The following DLG2 variants were observed in gnomAD, a reference collection of about 807,000 sequenced individuals.
DLG2 encodes discs large MAGUK scaffold protein 2, also known as disks large homolog 2.
Under a neutral mutation model 132.5 loss-of-function variants are expected in DLG2, and 45 were observed. That is an observed-to-expected ratio of 0.34 (90% CI 0.27 to 0.44). The LOEUF (loss-of-function observed/expected upper bound fraction) is 0.44, where lower values mean the gene tolerates loss of function less well. Ranked by LOEUF, DLG2 falls within the 20% of genes least tolerant of loss-of-function variation. The pLI, the probability that DLG2 is intolerant of heterozygous loss-of-function variation, is 1.00. For missense variants in DLG2, 1,045 were observed against 1,196.9 expected (o/e 0.87, Z 1.87); for synonymous variants, 424 against 419.6 (o/e 1.01, Z -0.13).
At chr11:85,460,655 G>T (rs1403582199) in intron 3 of DLG2, among the ~76,000 whole-genome samples, 3 of 152,118 alleles carry the variant, frequency 2.0e-5, no homozygotes, top group Non-Finnish European at 2.9e-5. Context: ...GCTACTAATA[G>T]CCATCTTGGC....
chr11:83,625,529 C>T (rs926697290), intron 19 of DLG2, among the ~76,000 whole-genome samples: 13 of 152,154 alleles, frequency 8.5e-5, no homozygotes, highest in African/African-American at 2.9e-4. Context: ...ACCACCCTTC[C>T]CCCAGAACAA....
At chr11:85,541,342 G>A (rs2075956958) in intron 3 of DLG2, among the ~76,000 whole-genome samples, 1 of 151,646 alleles carries the variant, frequency 6.6e-6, no homozygotes, top group Admixed American at 6.6e-5. Flanking sequence ...CATTTTTAAT[G>A]ACTTCATATA....
intron 7 of DLG2, among the ~76,000 whole-genome samples, chr11:84,520,969 A>G (rs887905583): frequency 2.0e-5 from 3 of 152,218 alleles, no homozygotes; most frequent in Non-Finnish European, 4.4e-5. Flanking sequence ...AGCTCTGGGA[A>G]AGCATCCCAT....
At chr11:84,692,943 C>T (rs758539675) in intron 6 of DLG2, among the ~76,000 whole-genome samples, 8 of 151,742 alleles carry the variant, frequency 5.3e-5, no homozygotes, top group Non-Finnish European at 7.4e-5. Flanking sequence ...TGAGACTTAG[C>T]GAAGTTATAT....
rs139828095 is a variant in DLG2, at chr11:84,522,031, G to A, written c.519+12539C>T. Among the ~76,000 whole-genome samples the A allele has an allele frequency of 4.0e-3, 615 of 152,134 alleles. 6 individuals carry two copies. Among genetic ancestry groups the A allele is most frequent in the African/African-American group, 0.014 (591 of 41,492 alleles). On this transcript the variant is annotated intron_variant, in intron 7 of 27. Transcript: ENST00000376104. Reference sequence around the variant, plus strand: ...AAAAATACAAAAATGAGTTGGGCGTGGTGGCACATGCCTGTAGTCCCAGCT... The same window carrying A: ...AAAAATACAAAAATGAGTTGGGCGTAGTGGCACATGCCTGTAGTCCCAGCT...
intron 4 of DLG2, among the ~76,000 whole-genome samples, chr11:85,222,363 C>T (rs765937424): frequency 6.6e-5 from 10 of 152,138 alleles, no homozygotes; most frequent in Admixed American, 1.3e-4. Flanking sequence ...ATTCAACAAA[C>T]ATTTAGGAAG....
At chr11:84,428,426 G>A (rs1049115320) in intron 7 of DLG2, among the ~76,000 whole-genome samples, 1 of 152,172 alleles carries the variant, frequency 6.6e-6, no homozygotes, top group Non-Finnish European at 1.5e-5. Flanking sequence ...AAAATACCAG[G>A]TATTAGGTGG....
chr11:84,535,449 T>C (rs1456223015), intron 6 of DLG2, among the ~76,000 whole-genome samples: 1 of 152,324 alleles, frequency 6.6e-6, no homozygotes, highest in East Asian at 1.9e-4. Flanking sequence ...ATACTTCTTC[T>C]CTCTTGTTCC....
rs556586407 is a variant in DLG2 at position 84,347,415 on chromosome 11, T to C, written c.520-96124A>G. On this transcript the variant is annotated intron_variant, in intron 7 of 27. Coordinates refer to ENST00000376104, the MANE Select transcript of DLG2 (RefSeq NM_001142699.3). ...TTTCCTCCTGGTTAATTCTGCCCATTGATATTTGGTTTACCCTCTAGAGGG... is the reference window on the plus strand; with the variant it reads ...TTTCCTCCTGGTTAATTCTGCCCATCGATATTTGGTTTACCCTCTAGAGGG... 1.4e-4 allele frequency among the ~76,000 whole-genome samples: 22 copies of C among 152,330 alleles called. No individual in the cohort carries two copies. In the South Asian group the frequency reaches 4.4e-3, roughly 30 times the overall value.
Position 84,335,640 on chromosome 11 carries a change from A to G in DLG2, c.520-84349T>C, listed in dbSNP as rs538199081. Among the ~76,000 whole-genome samples the G allele has an allele frequency of 5.8e-4, 88 of 152,314 alleles. 2 individuals are homozygous for G. The South Asian group carries it at 0.017, about 30-fold the overall frequency. ...ACCTTTTTCACTCATGGAGTACACA[A>G]AAGCTCTGAGGAAGGAGAAATTGAT... On this transcript the variant is annotated intron_variant, in intron 7 of 27. Coordinates refer to ENST00000376104, the MANE Select transcript of DLG2 (RefSeq NM_001142699.3).
intron 4 of DLG2, among the ~76,000 whole-genome samples, chr11:85,167,903 A>G (rs949524074): frequency 7.9e-5 from 12 of 152,122 alleles, no homozygotes; most frequent in African/African-American, 2.9e-4. Flanking sequence ...TTTATAGACT[A>G]CTTCAGGATT....
At chr11:85,184,944 G>A (rs1042263759) in intron 4 of DLG2, among the ~76,000 whole-genome samples, 1 of 151,846 alleles carries the variant, frequency 6.6e-6, no homozygotes, top group African/African-American at 2.4e-5. Flanking sequence ...ACTGGGGAAC[G>A]TGGGTTGAAA....
intron 3 of DLG2, among the ~76,000 whole-genome samples, chr11:85,391,466 C>G (rs1348500387): frequency 6.6e-6 from 1 of 151,938 alleles, no homozygotes; most frequent in Non-Finnish European, 1.5e-5. Flanking sequence ...ATAGCAAAAC[C>G]AGGAAAGGAC....
In DLG2 at chr11:85,334,130, G is replaced by T. The variant is rs538097623; in HGVS notation, c.41-48765C>A. ...CAGAATTCATTATTGGTCTGTTCAGGGTTTCAATTTCTTCCTGGTTCAATC... is the reference window on the plus strand; with the variant it reads ...CAGAATTCATTATTGGTCTGTTCAGTGTTTCAATTTCTTCCTGGTTCAATC... On this transcript the variant is annotated intron_variant, in intron 3 of 27. Coordinates refer to ENST00000376104, the MANE Select transcript of DLG2 (RefSeq NM_001142699.3). Among the ~76,000 whole-genome samples the T allele has an allele frequency of 2.0e-5, 3 of 151,988 alleles. No individual in the cohort carries two copies. In the South Asian group the frequency reaches 6.2e-4, roughly 32 times the overall value.
chr11:83,920,605 C>G (rs2077694636), intron 15 of DLG2, among the ~76,000 whole-genome samples: 1 of 152,062 alleles, frequency 6.6e-6, no homozygotes, highest in Non-Finnish European at 1.5e-5. Context: ...CACAATACAT[C>G]ATCTCACATA....
At chr11:85,612,601 T>C (rs1264514405) in intron 2 of DLG2, among the ~76,000 whole-genome samples, 3 of 152,180 alleles carry the variant, frequency 2.0e-5, no homozygotes, top group South Asian at 2.1e-4. Context: ...ATAATTGAAA[T>C]CCCAAACTTA....
At chr11:84,182,656 A>G (rs2096168439) in intron 8 of DLG2, among the ~76,000 whole-genome samples, 2 of 152,198 alleles carry the variant, frequency 1.3e-5, no homozygotes, top group Non-Finnish European at 2.9e-5. Context: ...ATGAAGAAAC[A>G]TCTAAAATCA....
At chr11:84,008,102 G>A (rs1045666291) in intron 11 of DLG2, among the ~76,000 whole-genome samples, 1 of 151,530 alleles carries the variant, frequency 6.6e-6, no homozygotes, top group African/African-American at 2.4e-5. Context: ...TCATATCATG[G>A]TCACTCACAT....
At chr11:84,768,543 T>C (rs1256610827) in intron 6 of DLG2, among the ~76,000 whole-genome samples, 1 of 152,166 alleles carries the variant, frequency 6.6e-6, no homozygotes, top group African/African-American at 2.4e-5. Context: ...ATAGTACAAA[T>C]ACTTCATAAA....
Sources: allele counts gnomAD v4.1 joint callset (sites outside exome capture counted in the v4.1 genomes callset), GRCh38; gene constraint gnomAD v4.1.1; transcripts MANE v1.5; gene names NCBI Gene and HGNC (gene_info 2026-07-23, HGNC 2026-07-21).